Variants in DACH1 observed in about 807,000 individuals in gnomAD.
DACH1 encodes dachshund family transcription factor 1.
Under a neutral mutation model 54.2 loss-of-function variants are expected in DACH1, and 12 were observed. The observed-to-expected ratio is 0.22, with a 90% CI of 0.14 to 0.36. The LOEUF (loss-of-function observed/expected upper bound fraction) is 0.36, where lower values mean the gene tolerates loss of function less well. Among genes scored for constraint, DACH1 ranks in the 10% least tolerant of loss-of-function variants. The pLI is 1.00. For missense variants in DACH1, 805 were observed against 929.8 expected (o/e 0.87, Z 1.75); for synonymous variants, 386 against 366.2 (o/e 1.05, Z -0.62).
At chr13:71,546,026 G>A (rs1338937496) in intron 6 of DACH1, among the ~76,000 whole-genome samples, 3 of 152,002 alleles carry the variant, frequency 2.0e-5, no homozygotes, top group Non-Finnish European at 4.4e-5. Context: ...CTGAGTAGAA[G>A]GGGAATTCCC....
chr13:71,616,049 C>A (rs61957852), intron 3 of DACH1, among the ~76,000 whole-genome samples: 4,481 of 152,212 alleles, frequency 0.029, 94 homozygotes, highest in Middle Eastern at 0.092. Flanking sequence ...AATGTCCTAA[C>A]AATGGCAAAA....
chr13:71,669,641 G>A (rs1319531254), intron 2 of DACH1, among the ~76,000 whole-genome samples: 2 of 152,172 alleles, frequency 1.3e-5, no homozygotes, highest in Non-Finnish European at 1.5e-5. Flanking sequence ...GGGGACTGCT[G>A]CATTCGCTTA....
At chr13:71,784,827 A>G (rs1279225467) in intron 1 of DACH1, among the ~76,000 whole-genome samples, 1 of 152,164 alleles carries the variant, frequency 6.6e-6, no homozygotes, top group African/African-American at 2.4e-5. Flanking sequence ...AATTTCTATC[A>G]TAATAAAATG....
intron 3 of DACH1, 83 bp from the exon 4 acceptor site, chr13:71,573,095 T>C: frequency 7.3e-7 from 1 of 1,362,250 alleles, no homozygotes; most frequent in Non-Finnish European, 1.0e-6. Flanking sequence ...TTTCTAATAA[T>C]GGTAGTCAAA....
chr13:71,865,338 G>T (rs1170274800), intron 1 of DACH1, among the ~76,000 whole-genome samples: 4 of 152,098 alleles, frequency 2.6e-5, no homozygotes, highest in African/African-American at 9.7e-5. Flanking sequence ...ACCTCAAAGT[G>T]CCCTCCTCGG....
At chr13:71,560,003 A>G (rs1884489556) in intron 4 of DACH1, 48 bp from the exon 5 acceptor site, 1 of 1,434,272 alleles carries the variant, frequency 7.0e-7, no homozygotes, top group Non-Finnish European at 9.2e-7. Flanking sequence ...GTTAAATACA[A>G]CGGATCTTTA....
chr13:71,698,529 T>TGAGA (rs370861566), intron 1 of DACH1, among the ~76,000 whole-genome samples: 1 of 150,782 alleles, frequency 6.6e-6, no homozygotes, highest in African/African-American at 2.4e-5. Context: ...GAAGAAATAA[T>TGAGA]GAGAGAGAGA....
At chr13:71,571,821 C>T (rs979220990) in intron 4 of DACH1, among the ~76,000 whole-genome samples, 1 of 151,368 alleles carries the variant, frequency 6.6e-6, no homozygotes, top group African/African-American at 2.4e-5. Flanking sequence ...ATGCAAGCTC[C>T]GCCTCCTGGG....
chr13:71,741,229 A>T (rs1884366101), intron 1 of DACH1, among the ~76,000 whole-genome samples: 1 of 152,180 alleles, frequency 6.6e-6, no homozygotes, highest in Admixed American at 6.5e-5. Context: ...TTCCATTGCA[A>T]AGTACCAAGC....
Position 71,439,715 on chromosome 13 carries a change from T to G in DACH1, c.*940A>C, listed in dbSNP as rs1409587574. The G allele has an allele frequency of 1.3e-5, 2 of 152,410 alleles. No homozygotes were observed. Among genetic ancestry groups the G allele is most frequent in the African/African-American group, 4.8e-5 (2 of 41,432 alleles). 9.4% of individuals were successfully genotyped at this position (152,410 alleles called of 1,614,324 possible). A position where few individuals can be genotyped will look rare whatever the true frequency, so the allele number is the denominator to read the frequency against. On this transcript the variant is annotated 3_prime_UTR_variant, in exon 11 of 11. Transcript: ENST00000613252. ...CCAGACAAATATTTACATGCCTGCA[T>G]GCGTTAAAACCAGAAAGACATCTTT...
intron 10 of DACH1, among the ~76,000 whole-genome samples, chr13:71,465,968 T>G (rs1384631436): frequency 1.3e-5 from 2 of 152,186 alleles, no homozygotes; most frequent in Non-Finnish European, 2.9e-5. Flanking sequence ...TGATATTTGT[T>G]GAGCTTCTTA....
At chr13:71,565,884 G>T (rs909161194) in intron 4 of DACH1, among the ~76,000 whole-genome samples, 15 of 152,086 alleles carry the variant, frequency 9.9e-5, no homozygotes, top group Non-Finnish European at 1.5e-4. Flanking sequence ...TTTTTAGGTT[G>T]CTATTTGATA....
intron 1 of DACH1, among the ~76,000 whole-genome samples, chr13:71,821,192 T>C (rs1888171440): frequency 6.6e-6 from 1 of 152,204 alleles, no homozygotes; most frequent in Non-Finnish European, 1.5e-5. Flanking sequence ...AGGTGAATCC[T>C]CTTACATGGT....
intron 7 of DACH1, among the ~76,000 whole-genome samples, chr13:71,480,845 T>C (rs1180410683): frequency 5.9e-5 from 9 of 152,186 alleles, no homozygotes; most frequent in African/African-American, 1.7e-4. Context: ...TTTGACCACA[T>C]ACAAATTATT....
At chr13:71,785,674 G>C (rs1032588985) in intron 1 of DACH1, among the ~76,000 whole-genome samples, 1 of 152,132 alleles carries the variant, frequency 6.6e-6, no homozygotes, top group Non-Finnish European at 1.5e-5. Context: ...AGCCTGAAAG[G>C]CCCAATGATT....
At chr13:71,559,247 T>C (rs1269092833) in intron 5 of DACH1, among the ~76,000 whole-genome samples, 1 of 152,106 alleles carries the variant, frequency 6.6e-6, no homozygotes, top group Non-Finnish European at 1.5e-5. Flanking sequence ...AAAATAACAA[T>C]ATATGGCAAT....
chr13:71,748,894 CTTTCTCTTTCTTTCTTTCTT>C (rs1372899459), intron 1 of DACH1, among the ~76,000 whole-genome samples: 171 of 86,588 alleles, frequency 2.0e-3, no homozygotes, highest in African/African-American at 9.8e-3. Context: ...TTCTTTCTTT[CTTTCTCTTTCTTTCTTTCTT>C]TCTTTCTTTC....
intron 1 of DACH1, among the ~76,000 whole-genome samples, chr13:71,709,500 C>G (rs527519600): frequency 1.3e-5 from 2 of 151,606 alleles, no homozygotes; most frequent in South Asian, 4.2e-4. Flanking sequence ...TATACCCACT[C>G]TTTAGTCACT....
chr13:71,849,427 T>G (rs1479905005), intron 1 of DACH1, among the ~76,000 whole-genome samples: 1 of 152,218 alleles, frequency 6.6e-6, no homozygotes, highest in Non-Finnish European at 1.5e-5. Flanking sequence ...TCGACTGGTC[T>G]TGGTAGAATC....
Sources: gnomAD v4.1 joint callset for allele counts (sites outside exome capture counted in the v4.1 genomes callset) on GRCh38, gnomAD v4.1.1 for gene constraint, MANE v1.5 for transcripts, NCBI Gene and HGNC (gene_info 2026-07-23, HGNC 2026-07-21) for gene names.